The following SLC35F1 variants were observed in gnomAD, a reference collection of about 807,000 sequenced individuals.
The protein encoded by SLC35F1 is chromosome 6 open reading frame 169.
A neutral mutation model predicts 48.7 loss-of-function variants in SLC35F1; 14 were observed. The observed-to-expected ratio is 0.29, with a 90% CI of 0.19 to 0.45. The LOEUF (loss-of-function observed/expected upper bound fraction) is 0.45, where lower values mean the gene tolerates loss of function less well. SLC35F1 is among the 20% of genes least tolerant of loss of function. SLC35F1 has a pLI of 1.00. For synonymous variants in SLC35F1, 190 were observed against 202.2 expected, an observed-to-expected ratio of 0.94 and a Z score of 0.51; for missense variants, 404 against 500.0, an observed-to-expected ratio of 0.81 and a Z score of 1.83.
rs115699636 is a variant in SLC35F1 at position 118,292,441 on chromosome 6, G to C, written c.1002+7103G>C. On this transcript the variant is annotated intron_variant, in intron 7 of 7. Coordinates refer to ENST00000360388, the MANE Select transcript of SLC35F1 (RefSeq NM_001029858.4). ...CACTGATGTGAGAGAGTACCGAGGG[G>C]CCTCAGCTTCTGTGCTGAGGATTGG... Among the ~76,000 whole-genome samples the C allele has an allele frequency of 5.1e-3, 777 of 152,294 alleles. 8 individuals are homozygous for C. Among genetic ancestry groups the C allele is most frequent in the African/African-American group, 0.018 (745 of 41,566 alleles).
At chr6:118,085,487 C>CTTTTTTTTTTTTTTTTT (rs59548308) in intron 1 of SLC35F1, among the ~76,000 whole-genome samples, 3 of 56,938 alleles carry the variant, frequency 5.3e-5, no homozygotes, top group Admixed American at 3.2e-4. Flanking sequence ...TCTTTCTTTC[C>CTTTTTTTTTTTTTTTTT]TTTTTTTTTT....
At chr6:117,994,224 A>G (rs1026448700) in intron 1 of SLC35F1, among the ~76,000 whole-genome samples, 7 of 152,064 alleles carry the variant, frequency 4.6e-5, no homozygotes, top group Admixed American at 2.6e-4. Flanking sequence ...CTCAACAGCA[A>G]TGTCACATTG....
intron 1 of SLC35F1, among the ~76,000 whole-genome samples, chr6:118,005,808 T>C (rs868277826): frequency 1.3e-4 from 20 of 152,092 alleles, no homozygotes; most frequent in African/African-American, 4.8e-4. Flanking sequence ...GCCAAACTGG[T>C]TTCTGCTGAT....
At chr6:118,157,473 A>G (rs1774162574) in intron 2 of SLC35F1, among the ~76,000 whole-genome samples, 2 of 152,174 alleles carry the variant, frequency 1.3e-5, no homozygotes, top group Admixed American at 1.3e-4. Flanking sequence ...TTGACTCATG[A>G]TCACAAGGTG....
intron 4 of SLC35F1, among the ~76,000 whole-genome samples, chr6:118,270,987 C>A (rs1455111497): frequency 1.3e-5 from 2 of 152,158 alleles, no homozygotes; most frequent in Non-Finnish European, 2.9e-5. Context: ...TTTATTGCAT[C>A]TTTTAGTTCA....
intron 2 of SLC35F1, among the ~76,000 whole-genome samples, chr6:118,220,443 C>A (rs1248010866): frequency 6.6e-6 from 1 of 152,120 alleles, no homozygotes; most frequent in South Asian, 2.1e-4. Flanking sequence ...CAAAAGCTAC[C>A]CTGACAGTTG....
chr6:118,066,118 G>A (rs1772610075), intron 1 of SLC35F1, among the ~76,000 whole-genome samples: 1 of 152,116 alleles, frequency 6.6e-6, no homozygotes, highest in Non-Finnish European at 1.5e-5. Context: ...TTTTTGCACA[G>A]AGAGTCACGG....
intron 1 of SLC35F1, among the ~76,000 whole-genome samples, chr6:118,085,557 G>A (rs916165110): frequency 1.6e-5 from 2 of 123,376 alleles, no homozygotes; most frequent in African/African-American, 6.2e-5. Context: ...GAGTTCAGTG[G>A]TGTGATCTTG....
chr6:118,217,870 C>T (rs1322326668), intron 2 of SLC35F1, among the ~76,000 whole-genome samples: 4 of 152,134 alleles, frequency 2.6e-5, no homozygotes, highest in Admixed American at 1.3e-4. Context: ...CTGTTGCTTT[C>T]TTGAAACATT....
intron 1 of SLC35F1, among the ~76,000 whole-genome samples, chr6:117,936,079 G>A (rs890434082): frequency 2.0e-5 from 3 of 152,298 alleles, no homozygotes; most frequent in South Asian, 2.1e-4. Flanking sequence ...GATGATTCCT[G>A]TATGTGCTCA....
intron 1 of SLC35F1, among the ~76,000 whole-genome samples, chr6:117,938,997 G>T (rs1776195146): frequency 7.0e-6 from 1 of 143,804 alleles, no homozygotes; most frequent in African/African-American, 2.5e-5. Flanking sequence ...GTATGTGCTT[G>T]AATTCTTGTT....
chr6:117,947,560 A>T (rs188415907), intron 1 of SLC35F1, among the ~76,000 whole-genome samples: 161 of 152,274 alleles, frequency 1.1e-3, no homozygotes, highest in Non-Finnish European at 2.0e-3. Flanking sequence ...TAACATCTAG[A>T]TGCAAGAGAA....
chr6:118,084,673 G>C, intron 1 of SLC35F1, among the ~76,000 whole-genome samples: 1 of 151,982 alleles, frequency 6.6e-6, no homozygotes, highest in Non-Finnish European at 1.5e-5. Context: ...TCCTAATTCT[G>C]GCTCAAGCAA....
chr6:118,258,942 T>C (rs919368232), intron 3 of SLC35F1, among the ~76,000 whole-genome samples: 7 of 151,896 alleles, frequency 4.6e-5, no homozygotes, highest in Admixed American at 2.6e-4. Context: ...ATAGATGACT[T>C]ACCATAGTTG....
rs1224055097 is a variant in SLC35F1, at chr6:117,907,914, C to G, written c.173+15C>G. ...GTGCTGAACAGGTGAGCGGCGGCGC[C>G]GGGCGAGGGCGCGGGGGGCGGGGGC... On this transcript the variant is annotated intron_variant, in intron 1 of 7. Transcript: ENST00000360388. The G allele has an allele frequency of 2.3e-6, 3 of 1,311,850 alleles. No individual in the cohort carries two copies. The highest frequency in any genetic ancestry group is 2.9e-6 in the Non-Finnish European group (3 of 1,036,016). 81.3% of individuals were successfully genotyped at this position (1,311,850 alleles called of 1,614,324 possible).
At chr6:118,041,760 G>A (rs916265226) in intron 1 of SLC35F1, among the ~76,000 whole-genome samples, 8 of 152,114 alleles carry the variant, frequency 5.3e-5, no homozygotes, top group East Asian at 1.9e-4. Context: ...ACGCCCTGAG[G>A]CAGAAACAAG....
At chr6:118,116,789 T>C (rs1391532851) in intron 1 of SLC35F1, among the ~76,000 whole-genome samples, 1 of 152,188 alleles carries the variant, frequency 6.6e-6, no homozygotes, top group Non-Finnish European at 1.5e-5. Context: ...AGTCTAAATT[T>C]TGACCCATGA....
At position 118,235,695 on chromosome 6, in the gene SLC35F1, G is replaced by A. The variant is rs1368158802; in HGVS notation, c.477+59G>A. The stretch of plus-strand genomic sequence containing the variant: ...TCTATCCAGATGTAGTTTACTTTCA[G>A]TTTAGTCCTTGAAAATCTCTATACT... On this transcript the variant is annotated intron_variant, in intron 3 of 7. Transcript: ENST00000360388. 7 of 1,568,178 alleles carry A rather than the reference G, an allele frequency of 4.5e-6. No individual in the cohort carries two copies. In the Admixed American group the frequency reaches 1.1e-4, roughly 25 times the overall value.
chr6:118,087,357 G>GTCACATTC (rs780010818), intron 1 of SLC35F1, among the ~76,000 whole-genome samples: 3 of 152,058 alleles, frequency 2.0e-5, no homozygotes, highest in African/African-American at 4.8e-5. Context: ...TCCAAGTATA[G>GTCACATTC]TCACATTCTG....
Sources: allele counts gnomAD v4.1 joint callset (sites outside exome capture counted in the v4.1 genomes callset), GRCh38; gene constraint gnomAD v4.1.1; transcripts MANE v1.5; gene names NCBI Gene and HGNC (gene_info 2026-07-23, HGNC 2026-07-21).